SUGCT: variants seen among roughly 807,000 people sequenced by gnomAD.
SUGCT encodes succinyl-CoA:glutarate CoA-transferase.
SUGCT carries 41 observed loss-of-function variants against 55.0 expected under a neutral mutation model. That is an observed-to-expected ratio of 0.74 (90% CI 0.58 to 0.97). SUGCT has a LOEUF of 0.97. SUGCT is among the 50% of genes least tolerant of loss of function. SUGCT has a pLI of 0.00. For missense variants in SUGCT, 568 were observed against 547.8 expected (o/e 1.04, Z -0.37); for synonymous variants, 187 against 200.4 (o/e 0.93, Z 0.56).
rs570797357 is a variant in SUGCT at position 40,278,110 on chromosome 7, C to T, written c.720+3454C>T. On this transcript the variant is annotated intron_variant, in intron 8 of 13. Coordinates refer to ENST00000335693, the MANE Select transcript of SUGCT (RefSeq NM_001193313.2). Reference sequence around the variant, plus strand: ...TCATTGTTGGATATTTGGGTTGGTTCGGGCAAAGGATATGAACAGACACTT... The same window carrying T: ...TCATTGTTGGATATTTGGGTTGGTTTGGGCAAAGGATATGAACAGACACTT... Among the ~76,000 whole-genome samples the T allele has an allele frequency of 7.2e-5, 11 of 152,028 alleles. No homozygotes were observed. The East Asian group carries it at 1.5e-3, about 21-fold the overall frequency.
chr7:40,656,917 T>C (rs1801043046), intron 12 of SUGCT, among the ~76,000 whole-genome samples: 1 of 152,242 alleles, frequency 6.6e-6, no homozygotes, highest in South Asian at 2.1e-4. Flanking sequence ...CATCATTAGA[T>C]GAAGCCCTGG....
intron 4 of SUGCT, 78 bp downstream of exon 4, chr7:40,188,658 G>A: frequency 1.2e-6 from 1 of 852,942 alleles, no homozygotes; most frequent in Non-Finnish European, 1.8e-6. Context: ...ATTGTGGCTT[G>A]TTTTTTTCTT....
chr7:40,917,090 G>A, the SUGCT span, among the ~76,000 whole-genome samples: 1 of 152,202 alleles, frequency 6.6e-6, no homozygotes, highest in Non-Finnish European at 1.5e-5. Flanking sequence ...CCCAGTGAGG[G>A]ACATCAGGAG....
At chr7:40,996,634 T>C in the SUGCT span, among the ~76,000 whole-genome samples, 1 of 152,186 alleles carries the variant, frequency 6.6e-6, no homozygotes, top group Non-Finnish European at 1.5e-5. Flanking sequence ...TTTACCATTT[T>C]TGTGTTTCTG....
chr7:40,188,626 T>C (rs781076109), intron 4 of SUGCT, 46 bp downstream of exon 4: 2 of 1,280,144 alleles, frequency 1.6e-6, no homozygotes, highest in South Asian at 1.4e-5. Flanking sequence ...AATTCTCTTA[T>C]AATAGCAAAA....
At chr7:40,383,034 C>A (rs543142890) in intron 9 of SUGCT, among the ~76,000 whole-genome samples, 1 of 152,178 alleles carries the variant, frequency 6.6e-6, no homozygotes, top group African/African-American at 2.4e-5. Context: ...AAGTATGACA[C>A]CCCCTGCAAA....
At chr7:40,190,111 G>C (rs1416209370) in intron 5 of SUGCT, among the ~76,000 whole-genome samples, 1 of 152,092 alleles carries the variant, frequency 6.6e-6, no homozygotes, top group African/African-American at 2.4e-5. Context: ...AAGGCACAGT[G>C]GTTAAATTAA....
intron 1 of SUGCT, among the ~76,000 whole-genome samples, chr7:40,135,796 A>G (rs991491390): frequency 3.3e-5 from 5 of 151,328 alleles, no homozygotes; most frequent in African/African-American, 9.7e-5. Flanking sequence ...AGCTGGGATT[A>G]TAGGCATGCG....
At chr7:40,384,899 T>C (rs11773518) in intron 9 of SUGCT, among the ~76,000 whole-genome samples, 144,131 of 152,178 alleles carry the variant, frequency 0.95, 68,739 homozygotes, top group East Asian at 1. Context: ...GCATCAGTCA[T>C]TGTGCTAGGT....
intron 12 of SUGCT, among the ~76,000 whole-genome samples, chr7:40,560,877 A>G (rs1795800033): frequency 6.6e-6 from 1 of 152,244 alleles, no homozygotes; most frequent in African/African-American, 2.4e-5. Flanking sequence ...TGATTTTACG[A>G]AAAATCTGTT....
At chr7:40,664,713 G>T (rs983289951) in intron 12 of SUGCT, among the ~76,000 whole-genome samples, 2 of 152,086 alleles carry the variant, frequency 1.3e-5, no homozygotes, top group African/African-American at 4.8e-5. Context: ...GGGCACGGTG[G>T]CTCACACCTG....
intron 12 of SUGCT, among the ~76,000 whole-genome samples, chr7:40,654,899 A>G (rs1800945267): frequency 6.6e-6 from 1 of 152,198 alleles, no homozygotes; most frequent in Non-Finnish European, 1.5e-5. Context: ...AGACAATACA[A>G]TTAGAGGGAA....
At chr7:40,169,857 C>G (rs1241432077) in intron 1 of SUGCT, among the ~76,000 whole-genome samples, 1 of 152,000 alleles carries the variant, frequency 6.6e-6, no homozygotes, top group Non-Finnish European at 1.5e-5. Context: ...CTAACGTGGA[C>G]TTCTGAAGTT....
chr7:40,192,700 C>A (rs187532929), intron 5 of SUGCT, among the ~76,000 whole-genome samples: 1 of 144,160 alleles, frequency 6.9e-6, no homozygotes, highest in Non-Finnish European at 1.5e-5. Flanking sequence ...GGTGCGATCT[C>A]GGCTCACTCC....
the SUGCT span, among the ~76,000 whole-genome samples, chr7:40,911,560 CCT>C: frequency 8.5e-6 from 1 of 118,212 alleles, no homozygotes; most frequent in Admixed American, 9.1e-5. Flanking sequence ...AGAGTGAGAC[CCT>C]GTCTCAAAAA....
the SUGCT span, among the ~76,000 whole-genome samples, chr7:40,940,360 G>A: frequency 6.6e-6 from 1 of 151,774 alleles, no homozygotes; most frequent in African/African-American, 2.4e-5. Flanking sequence ...TTGGCTATTT[G>A]GGCTCTTTTT....
At chr7:40,828,576 T>TAAA (rs11419901) in intron 13 of SUGCT, among the ~76,000 whole-genome samples, 24 of 89,946 alleles carry the variant, frequency 2.7e-4, no homozygotes, top group Admixed American at 6.7e-4. Context: ...CTTGCTACAG[T>TAAA]AAAAAAAAAA....
At chr7:41,018,471 TG>T in the SUGCT span, among the ~76,000 whole-genome samples, 3 of 152,364 alleles carry the variant, frequency 2.0e-5, no homozygotes, top group Non-Finnish European at 4.4e-5. Context: ...CCAGCTCTTT[TG>T]AACTTCACCT....
At chr7:41,013,377 C>T in the SUGCT span, among the ~76,000 whole-genome samples, 2,235 of 152,174 alleles carry the variant, frequency 0.015, 55 homozygotes, top group African/African-American at 0.051. Flanking sequence ...CATTCACAGA[C>T]GAACAAAAAA....
Sources: allele counts gnomAD v4.1 joint callset (sites outside exome capture counted in the v4.1 genomes callset), GRCh38; gene constraint gnomAD v4.1.1; transcripts MANE v1.5; gene names NCBI Gene and HGNC (gene_info 2026-07-23, HGNC 2026-07-21).